PALLD: variants seen among roughly 807,000 people sequenced by gnomAD.
PALLD encodes palladin.
A neutral mutation model predicts 123.5 loss-of-function variants in PALLD; 61 were observed. The observed-to-expected ratio is 0.49, with a 90% CI of 0.40 to 0.61. The LOEUF (loss-of-function observed/expected upper bound fraction) is 0.61, where lower values mean the gene tolerates loss of function less well. Ranked by LOEUF, PALLD falls within the 20% of genes least tolerant of loss-of-function variation. PALLD has a pLI of 0.00. For missense variants in PALLD, 1,273 were observed against 1,377.0 expected (o/e 0.92, Z 1.20); for synonymous variants, 465 against 496.4 (o/e 0.94, Z 0.84).
intron 10 of PALLD, among the ~76,000 whole-genome samples, chr4:168,755,235 A>T: frequency 7.1e-6 from 1 of 141,546 alleles, no homozygotes; most frequent in Non-Finnish European, 1.5e-5. Context: ...TCCGTCTCAA[A>T]AAAAAAAAAA....
intron 2 of PALLD, among the ~76,000 whole-genome samples, chr4:168,666,454 C>T (rs749332122): frequency 2.0e-5 from 3 of 152,048 alleles, no homozygotes; most frequent in African/African-American, 7.2e-5. Context: ...GTTGAAGATG[C>T]CTTTAGCTTG....
Position 168,836,272 on chromosome 4 carries a change from AT to A in PALLD, c.1965-54646del, listed in dbSNP as rs1260953448. The stretch of plus-strand genomic sequence containing the variant: ...GCCACTATGGTAAGTGAAGATGGTG[AT>A]TTTCAGTTTGGCAGAGACTGTTGGA... On this transcript the variant is annotated intron_variant, in intron 10 of 21. Transcript: ENST00000505667. 2.0e-5 allele frequency among the ~76,000 whole-genome samples: 3 copies of A among 152,144 alleles called. No individual in the cohort carries two copies. The East Asian group carries it at 5.8e-4, about 29-fold the overall frequency.
At chr4:168,759,067 T>C (rs1248928958) in intron 10 of PALLD, among the ~76,000 whole-genome samples, 1 of 149,022 alleles carries the variant, frequency 6.7e-6, no homozygotes, top group Non-Finnish European at 1.5e-5. Context: ...TAATCCCAGC[T>C]ACTCAGGAGG....
chr4:168,897,694 C>T (rs1364746154), intron 13 of PALLD, among the ~76,000 whole-genome samples: 1 of 152,176 alleles, frequency 6.6e-6, no homozygotes, highest in African/African-American at 2.4e-5. Flanking sequence ...AGAAGCAATC[C>T]TCCCACCTCG....
intron 1 of PALLD, among the ~76,000 whole-genome samples, chr4:168,510,384 A>C (rs1187056071): frequency 6.6e-6 from 1 of 152,180 alleles, no homozygotes; most frequent in African/African-American, 2.4e-5. Context: ...AGACTCTCAT[A>C]GCCCCCAGGT....
At chr4:168,881,152 G>A (rs1002725120) in intron 10 of PALLD, among the ~76,000 whole-genome samples, 5 of 152,136 alleles carry the variant, frequency 3.3e-5, no homozygotes, top group Admixed American at 6.6e-5. Flanking sequence ...TGATCCGCCT[G>A]CCTTGGCCTC....
chr4:168,685,908 A>C (rs915498378), intron 6 of PALLD, among the ~76,000 whole-genome samples: 3 of 150,868 alleles, frequency 2.0e-5, no homozygotes, highest in African/African-American at 7.3e-5. Context: ...CTAATTTTCC[A>C]TTTGTCCTGA....
intron 2 of PALLD, among the ~76,000 whole-genome samples, chr4:168,551,245 C>T (rs1766699162): frequency 6.6e-6 from 1 of 151,972 alleles, no homozygotes; most frequent in African/African-American, 2.4e-5. Context: ...TTTTTATTTT[C>T]TCTTTCGTGA....
chr4:168,681,177 A>G (rs1781515348), intron 3 of PALLD, among the ~76,000 whole-genome samples, 155 bp from the exon 4 acceptor site: 1 of 152,238 alleles, frequency 6.6e-6, no homozygotes, highest in Non-Finnish European at 1.5e-5. Flanking sequence ...CAGTACAAAT[A>G]AAAAATTGTC....
chr4:168,901,938 G>A (rs1347096159), intron 14 of PALLD, among the ~76,000 whole-genome samples: 1 of 152,124 alleles, frequency 6.6e-6, no homozygotes, highest in East Asian at 1.9e-4. Context: ...ACAACTCAAA[G>A]TTATTAGTCT....
intron 2 of PALLD, among the ~76,000 whole-genome samples, chr4:168,585,610 C>T (rs573999143): frequency 1.3e-5 from 2 of 152,110 alleles, no homozygotes; most frequent in African/African-American, 4.8e-5. Context: ...CAGTCCCCAG[C>T]GCAGGCACTG....
chr4:168,690,110 A>G (rs574963485), intron 6 of PALLD, among the ~76,000 whole-genome samples: 1 of 152,344 alleles, frequency 6.6e-6, no homozygotes, highest in Non-Finnish European at 1.5e-5. Flanking sequence ...AATAAACTTG[A>G]CATAGGAAAC....
At position 168,668,217 on chromosome 4, in the gene PALLD, C is replaced by T; in HGVS notation, c.936C>T (p.His312=). 6.2e-7 allele frequency: 1 copy of T among 1,614,126 alleles called. No homozygotes were observed. Among genetic ancestry groups the T allele is most frequent in the South Asian group, 1.1e-5 (1 of 91,084 alleles). Residue 312 remains histidine, a synonymous_variant, in exon 3 of 22, where the codon CAC becomes CAT. Coordinates refer to ENST00000505667, the MANE Select transcript of PALLD (RefSeq NM_001166108.2). The part of the protein sequence containing the change: ...VRWFCEGKEL[H]NTPDIQIHCE... ...GGTTCTGTGAAGGGAAAGAACTGCACAACACTCCTGATATTCAAATCCACT... is the reference window on the plus strand; with the variant it reads ...GGTTCTGTGAAGGGAAAGAACTGCATAACACTCCTGATATTCAAATCCACT...
At chr4:168,499,663 C>A (rs1761188665) in intron 1 of PALLD, among the ~76,000 whole-genome samples, 1 of 151,984 alleles carries the variant, frequency 6.6e-6, no homozygotes, top group African/African-American at 2.4e-5. Context: ...CCTACCCCTG[C>A]CTAAATCCCC....
intron 10 of PALLD, among the ~76,000 whole-genome samples, chr4:168,773,776 C>T (rs1734769932): frequency 1.3e-5 from 2 of 152,174 alleles, no homozygotes; most frequent in African/African-American, 4.8e-5. Flanking sequence ...CCCACCCGGC[C>T]TCCCCACCCA....
intron 10 of PALLD, among the ~76,000 whole-genome samples, chr4:168,816,350 T>C (rs2150767411): frequency 6.6e-6 from 1 of 150,668 alleles, no homozygotes; most frequent in African/African-American, 2.4e-5. Context: ...TTTGTGTTAT[T>C]GGCACATCTA....
chr4:168,630,333 T>C (rs1775694679), intron 2 of PALLD, among the ~76,000 whole-genome samples: 1 of 152,140 alleles, frequency 6.6e-6, no homozygotes, highest in Non-Finnish European at 1.5e-5. Flanking sequence ...TCTAATGACA[T>C]ACAAGAAGGG....
intron 10 of PALLD, among the ~76,000 whole-genome samples, chr4:168,868,124 C>T (rs528890330): frequency 6.6e-6 from 1 of 152,284 alleles, no homozygotes; most frequent in African/African-American, 2.4e-5. Flanking sequence ...CATTTCCCTT[C>T]CATCTTCAGT....
In PALLD at chr4:168,877,985, C is replaced by T. The variant is rs863224705; in HGVS notation, c.1965-12937C>T. On this transcript the variant is annotated intron_variant, in intron 10 of 21. Coordinates refer to ENST00000505667, the MANE Select transcript of PALLD (RefSeq NM_001166108.2). ...CAAGCAGTTCATCGCCGCGCAGAAC[C>T]TCGGGCCCGCGTCGGGCCACGGCAC... 5.3e-6 allele frequency: 8 copies of T among 1,500,654 alleles called. No homozygotes were observed. The highest frequency in any genetic ancestry group is 1.5e-5 in the African/African-American group (1 of 68,932). 93.0% of individuals were successfully genotyped at this position (1,500,654 alleles called of 1,614,324 possible).
Sources: allele counts gnomAD v4.1 joint callset (sites outside exome capture counted in the v4.1 genomes callset), GRCh38; gene constraint gnomAD v4.1.1; transcripts MANE v1.5; gene names NCBI Gene and HGNC (gene_info 2026-07-23, HGNC 2026-07-21).